Variants in SVOPL observed in about 807,000 individuals in gnomAD.
The protein encoded by SVOPL is putative transporter SVOPL.
A neutral mutation model predicts 61.0 loss-of-function variants in SVOPL; 60 were observed. The observed-to-expected ratio is 0.98, with a 90% confidence interval of 0.80 to 1.22. SVOPL has a LOEUF of 1.22. SVOPL is among the 50% of genes most tolerant of loss of function. The pLI, the probability that SVOPL is intolerant of heterozygous loss-of-function variation, is 0.00. For synonymous variants in SVOPL, 279 were observed against 250.0 expected, an observed-to-expected ratio of 1.12 and a Z score of -1.09; for missense variants, 662 against 643.9, an observed-to-expected ratio of 1.03 and a Z score of -0.30.
Position 138,672,047 on chromosome 7 carries a change from T to C in SVOPL, c.245A>G (p.Glu82Gly). 1.9e-6 allele frequency: 3 copies of C among 1,551,660 alleles called. No homozygotes were observed. Among genetic ancestry groups the C allele is most frequent in the Non-Finnish European group, 2.6e-6 (3 of 1,146,992 alleles). Residue 82 changes from glutamate to glycine, a missense_variant, in exon 4 of 16, where the codon GAG (glutamate) becomes GGG (glycine). By Grantham distance (98) the Glu-to-Gly change is moderately conservative (BLOSUM62 -2). Coordinates refer to ENST00000674285, the MANE Select transcript of SVOPL (RefSeq NM_001139456.2). ...GGTTACTAATGCCACCTGCCAATTC[T>C]CCAGTTGCCATTCACAGCGGATGAC... Reference protein sequence around the residue: ...SPVIRCEWQLENWQVALVTTM... With the variant: ...SPVIRCEWQLGNWQVALVTTM...
intron 14 of SVOPL, among the ~76,000 whole-genome samples, chr7:138,618,460 G>C (rs1465241231): frequency 6.6e-6 from 1 of 152,054 alleles, no homozygotes; most frequent in African/African-American, 2.4e-5. Context: ...AGGAGTTTGA[G>C]ACCAGCCTGG....
chr7:138,678,922 C>G (rs1192471236), intron 2 of SVOPL, 42 bp downstream of exon 2: 4 of 1,534,826 alleles, frequency 2.6e-6, no homozygotes, highest in Middle Eastern at 1.7e-4. Context: ...ATTCTTAACT[C>G]TAAGCAGCAG....
chr7:138,622,182 GTATCTATCTATCTATCTATGTATCTATC>G (rs1563096502), intron 13 of SVOPL, among the ~76,000 whole-genome samples: 1 of 47,378 alleles, frequency 2.1e-5, no homozygotes, highest in African/African-American at 1.0e-4. Flanking sequence ...ATCTGTCTAT[GTATCTATCTATCTATCTATGTATCTATC>G]TATCTATCTA....
At chr7:138,676,899 CTTT>C (rs1191279496) in intron 3 of SVOPL, among the ~76,000 whole-genome samples, 15 of 112,794 alleles carry the variant, frequency 1.3e-4, no homozygotes, top group African/African-American at 5.0e-4. Flanking sequence ...CTTGGGGTTC[CTTT>C]TTTTTTTTTT....
At chr7:138,680,172 T>TC (rs1411328505) in intron 1 of SVOPL, among the ~76,000 whole-genome samples, 1 of 150,626 alleles carries the variant, frequency 6.6e-6, no homozygotes, top group African/African-American at 2.4e-5. Context: ...CATTGTCTTT[T>TC]TTTTTTTTTT....
At chr7:138,637,286 G>T (rs1800512569) in intron 9 of SVOPL, among the ~76,000 whole-genome samples, 2 of 151,804 alleles carry the variant, frequency 1.3e-5, no homozygotes. Flanking sequence ...AAATTAGTTA[G>T]GTGTGGTGGT....
intron 13 of SVOPL, chr7:138,625,157 T>C (rs1338211888): frequency 6.6e-6 from 1 of 152,262 alleles, no homozygotes; most frequent in Non-Finnish European, 1.5e-5. Context: ...AAATCAACTT[T>C]AGATTTTGTT....
At chr7:138,643,586 G>A (rs975787039) in intron 9 of SVOPL, among the ~76,000 whole-genome samples, 1 of 152,080 alleles carries the variant, frequency 6.6e-6, no homozygotes, top group Non-Finnish European at 1.5e-5. Flanking sequence ...GCCTTAACAA[G>A]GAAGAAAATT....
chr7:138,629,127 A>ATG (rs71520009), intron 10 of SVOPL, among the ~76,000 whole-genome samples: 1,129 of 66,160 alleles, frequency 0.017, 8 homozygotes, highest in East Asian at 0.03. Context: ...TGTTTTATAT[A>ATG]TGTGTGTGTG....
At chr7:138,623,068 C>T (rs1799740778) in intron 13 of SVOPL, among the ~76,000 whole-genome samples, 1 of 152,152 alleles carries the variant, frequency 6.6e-6, no homozygotes, top group South Asian at 2.1e-4. Flanking sequence ...AAGATGCTTT[C>T]CGCCTCACAG....
intron 14 of SVOPL, among the ~76,000 whole-genome samples, chr7:138,607,115 C>T (rs549841522): frequency 1.3e-3 from 192 of 151,664 alleles, no homozygotes; most frequent in African/African-American, 4.4e-3. Flanking sequence ...GGAGGCCAGA[C>T]GGGTTTGGGG....
chr7:138,632,063 A>G (rs1462797939), intron 9 of SVOPL, among the ~76,000 whole-genome samples: 1 of 151,918 alleles, frequency 6.6e-6, no homozygotes, highest in Admixed American at 6.6e-5. Context: ...TGCTCATTTC[A>G]TTAACCAGAT....
chr7:138,608,745 A>T (rs1413486232), intron 14 of SVOPL, among the ~76,000 whole-genome samples: 3 of 152,190 alleles, frequency 2.0e-5, no homozygotes, highest in Admixed American at 6.5e-5. Context: ...GGAAGAAAAG[A>T]GGTGTGTGTT....
intron 1 of SVOPL, among the ~76,000 whole-genome samples, chr7:138,693,550 A>AAAGAAAGAAAGAAAGAAAG (rs1488616165): frequency 8.0e-6 from 1 of 124,410 alleles, no homozygotes; most frequent in South Asian, 2.7e-4. Context: ...AGAAAGAAAG[A>AAAGAAAGAAAGAAAGAAAG]AAGAAAGAAA....
Position 138,600,979 on chromosome 7 carries a change from C to T in SVOPL, c.1354-4449G>A, listed in dbSNP as rs1057020295. ...ACACCCTAAGAAAATAGGCCGGGCGCGGTGGCTCACACCTGTAATCCCAGC... is the reference window on the plus strand; with the variant it reads ...ACACCCTAAGAAAATAGGCCGGGCGTGGTGGCTCACACCTGTAATCCCAGC... On this transcript the variant is annotated intron_variant, in intron 14 of 15. Coordinates refer to ENST00000674285, the MANE Select transcript of SVOPL (RefSeq NM_001139456.2). Among the ~76,000 whole-genome samples, 7 of 151,918 alleles carry T rather than the reference C, an allele frequency of 4.6e-5. No individual in the cohort carries two copies. In the East Asian group the frequency reaches 9.7e-4, roughly 21 times the overall value.
chr7:138,635,815 C>T (rs1382149557), intron 9 of SVOPL, among the ~76,000 whole-genome samples: 2 of 152,126 alleles, frequency 1.3e-5, no homozygotes, highest in East Asian at 3.9e-4. Context: ...ATTTAGCAAT[C>T]AAGAAATTGG....
intron 3 of SVOPL, among the ~76,000 whole-genome samples, chr7:138,676,830 TG>T (rs1802573092): frequency 6.6e-6 from 1 of 152,070 alleles, no homozygotes; most frequent in African/African-American, 2.4e-5. Context: ...AATGCTCACT[TG>T]CTTTATAACC....
chr7:138,674,434 G>GT (rs941743871), intron 3 of SVOPL, among the ~76,000 whole-genome samples: 1 of 151,872 alleles, frequency 6.6e-6, no homozygotes, highest in Non-Finnish European at 1.5e-5. Context: ...GCATCCCATC[G>GT]TAAGACCAGT....
chr7:138,604,293 A>G (rs1798656611), intron 14 of SVOPL, among the ~76,000 whole-genome samples: 1 of 152,184 alleles, frequency 6.6e-6, no homozygotes, highest in Admixed American at 6.5e-5. Flanking sequence ...ATATTCAGTT[A>G]CATACTTCTA....
Sources: allele counts gnomAD v4.1 joint callset (sites outside exome capture counted in the v4.1 genomes callset), GRCh38; gene constraint gnomAD v4.1.1; transcripts MANE v1.5; gene names NCBI Gene and HGNC (gene_info 2026-07-23, HGNC 2026-07-21).